The following GULP1 variants were observed in gnomAD, a reference collection of about 807,000 sequenced individuals.
The protein encoded by GULP1 is PTB domain-containing engulfment adapter protein 1.
In GULP1, 19 loss-of-function variants were observed where a neutral mutation model predicts 40.9. The ratio of observed to expected loss-of-function variants is 0.46; its 90% confidence interval spans 0.32 to 0.68. The LOEUF (loss-of-function observed/expected upper bound fraction) is 0.68. GULP1 is among the 30% of genes least tolerant of loss of function. The probability of loss-of-function intolerance (pLI) is 0.03; values close to 1 mark genes in which losing one functional copy is unlikely to be tolerated. For missense variants in GULP1, 312 were observed against 362.2 expected (o/e 0.86, Z 1.12); for synonymous variants, 119 against 117.6 (o/e 1.01, Z -0.08).
intron 7 of GULP1, among the ~76,000 whole-genome samples, chr2:188,561,387 A>C (rs921987400): frequency 1.3e-5 from 2 of 152,110 alleles, no homozygotes; most frequent in African/African-American, 4.8e-5. Flanking sequence ...TCTGCATCCC[A>C]GGTACTGTAT....
At chr2:188,575,412 A>T (rs1178576769) in intron 9 of GULP1, among the ~76,000 whole-genome samples, 2 of 152,200 alleles carry the variant, frequency 1.3e-5, no homozygotes, top group African/African-American at 4.8e-5. Flanking sequence ...TGGGGGAAAG[A>T]AAGAGAGGTT....
At chr2:188,361,113 A>G (rs1384230459) in intron 1 of GULP1, among the ~76,000 whole-genome samples, 2 of 152,160 alleles carry the variant, frequency 1.3e-5, no homozygotes, top group Admixed American at 1.3e-4. Context: ...TGTTACGTGC[A>G]GCATGTAAAA....
At chr2:188,422,561 T>C (rs2055595865) in intron 2 of GULP1, among the ~76,000 whole-genome samples, 1 of 152,004 alleles carries the variant, frequency 6.6e-6, no homozygotes, top group East Asian at 1.9e-4. Context: ...TAAGATTTGC[T>C]TTTCATTTTA....
intron 2 of GULP1, among the ~76,000 whole-genome samples, chr2:188,417,299 A>G (rs1182685560): frequency 6.6e-6 from 1 of 152,140 alleles, no homozygotes; most frequent in Non-Finnish European, 1.5e-5. Context: ...TTGTTTTGTT[A>G]TATGGTTGCT....
chr2:188,534,078 C>A (rs1688276611), intron 6 of GULP1, among the ~76,000 whole-genome samples: 1 of 152,188 alleles, frequency 6.6e-6, no homozygotes, highest in South Asian at 2.1e-4. Context: ...GGAGATTTCT[C>A]AAATAACTTC....
chr2:188,437,274 T>C (rs1559239673), intron 2 of GULP1, among the ~76,000 whole-genome samples: 1 of 152,040 alleles, frequency 6.6e-6, no homozygotes, highest in Non-Finnish European at 1.5e-5. Context: ...CAAATGCTCT[T>C]TCAGGCTCTT....
chr2:188,553,999 C>T (rs994737883), intron 7 of GULP1, among the ~76,000 whole-genome samples: 4 of 151,892 alleles, frequency 2.6e-5, no homozygotes, highest in African/African-American at 9.7e-5. Context: ...TCAGTTGTTA[C>T]ATTTCCTTTT....
intron 1 of GULP1, chr2:188,293,076 G>C (rs1425134278): frequency 1.3e-5 from 2 of 152,422 alleles, no homozygotes; most frequent in Non-Finnish European, 2.9e-5. Flanking sequence ...GACTTGAACA[G>C]GAAGCTGGAC....
intron 2 of GULP1, among the ~76,000 whole-genome samples, chr2:188,409,505 A>C (rs2053587224): frequency 6.6e-6 from 1 of 152,196 alleles, no homozygotes; most frequent in East Asian, 1.9e-4. Context: ...TAATGCCTTC[A>C]TTAATGGATT....
At chr2:188,407,470 G>A (rs1030820308) in intron 2 of GULP1, among the ~76,000 whole-genome samples, 3 of 152,216 alleles carry the variant, frequency 2.0e-5, no homozygotes, top group African/African-American at 7.2e-5. Flanking sequence ...GGATTACACA[G>A]TGTAAAAGGA....
chr2:188,352,624 A>T (rs1305438241), intron 1 of GULP1, among the ~76,000 whole-genome samples: 3 of 147,168 alleles, frequency 2.0e-5, no homozygotes, highest in Non-Finnish European at 3.1e-5. Context: ...TCTCTCACAC[A>T]CACACACACA....
At chr2:188,294,806 ATAATGT>A (rs1236110772) in intron 1 of GULP1, among the ~76,000 whole-genome samples, 2 of 152,216 alleles carry the variant, frequency 1.3e-5, no homozygotes, top group East Asian at 1.9e-4. Context: ...AAGAGATGAA[ATAATGT>A]TAATAGGCTT....
intron 11 of GULP1, 177 bp downstream of exon 11, chr2:188,588,126 G>A: frequency 1.6e-6 from 1 of 629,866 alleles, no homozygotes; most frequent in East Asian, 2.9e-5. Flanking sequence ...TCCTACATAT[G>A]CTAAGGATAA....
intron 1 of GULP1, among the ~76,000 whole-genome samples, chr2:188,305,895 C>T (rs1001282177): frequency 8.6e-5 from 13 of 152,040 alleles, no homozygotes; most frequent in African/African-American, 3.1e-4. Flanking sequence ...CTCCTGCTTC[C>T]GTCTCCTGAG....
intron 2 of GULP1, among the ~76,000 whole-genome samples, chr2:188,399,359 C>T (rs2051762064): frequency 6.6e-6 from 1 of 152,014 alleles, no homozygotes. Context: ...CAAAGGGAGT[C>T]AGAATGGCTG....
chr2:188,575,307 T>C (rs1699955449), intron 9 of GULP1, among the ~76,000 whole-genome samples: 1 of 152,208 alleles, frequency 6.6e-6, no homozygotes, highest in South Asian at 2.1e-4. Flanking sequence ...TATGGAATAT[T>C]ATAAAATGTG....
At chr2:188,496,513 A>G (rs954431689) in intron 4 of GULP1, among the ~76,000 whole-genome samples, 1 of 152,032 alleles carries the variant, frequency 6.6e-6, no homozygotes, top group African/African-American at 2.4e-5. Flanking sequence ...AATGAGCAAG[A>G]TTAAATATGC....
At chr2:188,493,608 A>C (rs1447346014) in intron 4 of GULP1, among the ~76,000 whole-genome samples, 3 of 152,206 alleles carry the variant, frequency 2.0e-5, no homozygotes, top group Middle Eastern at 3.4e-3. Flanking sequence ...AACTTTTAAA[A>C]GACTTTAATA....
At chr2:188,463,593 C>T (rs1333680815) in intron 2 of GULP1, among the ~76,000 whole-genome samples, 1 of 152,036 alleles carries the variant, frequency 6.6e-6, no homozygotes. Context: ...CCTTTCTACT[C>T]CTATCTTTTT....
Sources: gnomAD v4.1 joint callset for allele counts (sites outside exome capture counted in the v4.1 genomes callset) on GRCh38, gnomAD v4.1.1 for gene constraint, MANE v1.5 for transcripts, NCBI Gene and HGNC (gene_info 2026-07-23, HGNC 2026-07-21) for gene names.